ATP8A2: variants seen among roughly 807,000 people sequenced by gnomAD.
ATP8A2 encodes the protein phospholipid-transporting ATPase IB.
Under a neutral mutation model 165.6 loss-of-function variants are expected in ATP8A2, and 100 were observed. The ratio of observed to expected loss-of-function variants is 0.60; its 90% CI spans 0.51 to 0.71. The LOEUF (loss-of-function observed/expected upper bound fraction) is 0.71. Ranked by LOEUF, ATP8A2 falls within the 30% of genes least tolerant of loss-of-function variation. ATP8A2 has a pLI of 0.00. For synonymous variants in ATP8A2, 543 were observed against 548.8 expected, an observed-to-expected ratio of 0.99 and a Z score of 0.15; for missense variants, 1,227 against 1,479.5, an observed-to-expected ratio of 0.83 and a Z score of 2.80.
chr13:25,516,915 G>A (rs1272683085), intron 2 of ATP8A2, among the ~76,000 whole-genome samples: 2 of 151,286 alleles, frequency 1.3e-5, no homozygotes, highest in Non-Finnish European at 2.9e-5. Context: ...CAGGTAGCTG[G>A]GATTACAGGT....
chr13:25,618,740 T>G (rs1308131713), intron 24 of ATP8A2, among the ~76,000 whole-genome samples: 1 of 150,596 alleles, frequency 6.6e-6, no homozygotes, highest in African/African-American at 2.4e-5. Flanking sequence ...GATTTCATGC[T>G]ACTGGGAGCA....
chr13:25,724,786 C>T (rs2138052267), intron 25 of ATP8A2, among the ~76,000 whole-genome samples: 1 of 152,260 alleles, frequency 6.6e-6, no homozygotes, highest in Middle Eastern at 3.4e-3. Flanking sequence ...TTATGATGTC[C>T]TAGGCCCATT....
chr13:25,558,920 A>G, intron 13 of ATP8A2, 53 bp from the exon 14 acceptor site: 3 of 1,247,358 alleles, frequency 2.4e-6, no homozygotes, highest in South Asian at 2.7e-5. Context: ...TCATTTGTTG[A>G]TCTTTGCATC....
At chr13:25,814,431 G>A (rs1489400445) in intron 27 of ATP8A2, among the ~76,000 whole-genome samples, 2 of 151,882 alleles carry the variant, frequency 1.3e-5, no homozygotes, top group Non-Finnish European at 2.9e-5. Context: ...CAAATAGCCA[G>A]AACAATCTGT....
intron 30 of ATP8A2, among the ~76,000 whole-genome samples, chr13:25,855,669 T>C (rs563014913): frequency 1.3e-5 from 2 of 152,356 alleles, no homozygotes; most frequent in East Asian, 3.9e-4. Flanking sequence ...TTCATTTCTC[T>C]TGGATGTGTA....
chr13:25,477,077 T>C (rs1357744811), intron 2 of ATP8A2, among the ~76,000 whole-genome samples: 1 of 152,204 alleles, frequency 6.6e-6, no homozygotes, highest in Non-Finnish European at 1.5e-5. Context: ...GCCAGTTTTA[T>C]ATTTGGTGTT....
At chr13:25,602,162 T>C (rs2040404566) in intron 24 of ATP8A2, among the ~76,000 whole-genome samples, 1 of 152,270 alleles carries the variant, frequency 6.6e-6, no homozygotes, top group South Asian at 2.1e-4. Flanking sequence ...TTTTTTCTAA[T>C]TTGTTTTTAG....
intron 1 of ATP8A2, among the ~76,000 whole-genome samples, chr13:25,390,948 ATGTTG>A (rs944965187): frequency 3.9e-5 from 6 of 151,900 alleles, no homozygotes; most frequent in African/African-American, 1.5e-4. Context: ...AAATTCATCT[ATGTTG>A]CCACATATCT....
chr13:25,958,020 A>G (rs1054081245), intron 33 of ATP8A2, among the ~76,000 whole-genome samples: 1 of 152,102 alleles, frequency 6.6e-6, no homozygotes, highest in Non-Finnish European at 1.5e-5. Context: ...TAGTTAGCAA[A>G]CTAACACAGG....
intron 2 of ATP8A2, among the ~76,000 whole-genome samples, chr13:25,507,358 C>T (rs1360343274): frequency 6.6e-6 from 1 of 151,884 alleles, no homozygotes; most frequent in African/African-American, 2.4e-5. Context: ...CTCCGCCTCC[C>T]AGGTTCTAGC....
At chr13:25,907,520 C>T (rs1953977628) in intron 33 of ATP8A2, among the ~76,000 whole-genome samples, 1 of 152,192 alleles carries the variant, frequency 6.6e-6, no homozygotes, top group African/African-American at 2.4e-5. Context: ...TGTTTTCATT[C>T]ATACAGTAAA....
intron 24 of ATP8A2, among the ~76,000 whole-genome samples, chr13:25,665,224 C>T (rs971632657): frequency 6.6e-6 from 1 of 152,150 alleles, no homozygotes; most frequent in Non-Finnish European, 1.5e-5. Flanking sequence ...AGGTTAGTAA[C>T]CAGTTGATAG....
rs534891637 is a variant in ATP8A2, at chr13:25,494,213, C to G, written c.221+25092C>G. Among the ~76,000 whole-genome samples, 103 of 152,144 alleles carry G rather than the reference C, an allele frequency of 6.8e-4. 1 individual carries two copies. The highest frequency in any genetic ancestry group is 2.4e-3 in the African/African-American group (99 of 41,484). ...GGGTCAATGTCTGTTAAGGGACCCA[C>G]TTAGAATTGCTGTGTTGAATAATGT... On this transcript the variant is annotated intron_variant, in intron 2 of 36. Coordinates refer to ENST00000381655, the MANE Select transcript of ATP8A2 (RefSeq NM_016529.6).
At chr13:25,885,175 C>T (rs1166230688) in intron 33 of ATP8A2, among the ~76,000 whole-genome samples, 2 of 136,152 alleles carry the variant, frequency 1.5e-5, no homozygotes, top group Admixed American at 8.6e-5. Context: ...TGCAGTGGTG[C>T]GATCTTAGCT....
At chr13:25,629,318 G>A (rs2041180387) in intron 24 of ATP8A2, among the ~76,000 whole-genome samples, 2 of 152,110 alleles carry the variant, frequency 1.3e-5, no homozygotes, top group African/African-American at 4.8e-5. Context: ...GAAAAGCATA[G>A]AGGTTTAAAA....
intron 35 of ATP8A2, among the ~76,000 whole-genome samples, chr13:26,008,606 C>A (rs1470669907): frequency 6.6e-6 from 1 of 152,106 alleles, no homozygotes; most frequent in Non-Finnish European, 1.5e-5. Context: ...CAGACCTGAG[C>A]AGCTGAACAG....
At chr13:25,998,889 T>A (rs1026612817) in intron 35 of ATP8A2, among the ~76,000 whole-genome samples, 1 of 152,174 alleles carries the variant, frequency 6.6e-6, no homozygotes, top group African/African-American at 2.4e-5. Context: ...TCACAATATC[T>A]TCTGGAATTT....
chr13:25,747,785 C>G (rs1004236945), intron 25 of ATP8A2, among the ~76,000 whole-genome samples: 1 of 152,124 alleles, frequency 6.6e-6, no homozygotes, highest in Non-Finnish European at 1.5e-5. Flanking sequence ...CAGTGAGTAG[C>G]CCAAAGACAT....
In ATP8A2 at chr13:25,987,578, G is replaced by A. The variant is rs151089249; in HGVS notation, c.3377+18899G>A. Among the ~76,000 whole-genome samples, 970 of 152,236 alleles carry A rather than the reference G, an allele frequency of 6.4e-3. 5 individuals carry two copies. Among genetic ancestry groups the A allele is most frequent in the Middle Eastern group, 0.027 (8 of 294 alleles). On this transcript the variant is annotated intron_variant, in intron 35 of 36. Transcript: ENST00000381655. ...TCAGCATGCTGTTGCCTCACTCCCC[G>A]TCACCACTGTGAAGCCTCCTCTTTT...
Sources: gnomAD v4.1 joint callset for allele counts (sites outside exome capture counted in the v4.1 genomes callset) on GRCh38, gnomAD v4.1.1 for gene constraint, MANE v1.5 for transcripts, NCBI Gene and HGNC (gene_info 2026-07-23, HGNC 2026-07-21) for gene names.